The following PRIM2 variants were observed in gnomAD, a reference collection of about 807,000 sequenced individuals.
PRIM2 encodes DNA primase subunit 2.
In PRIM2, 39 loss-of-function variants were observed where a neutral mutation model predicts 67.3. The ratio of observed to expected loss-of-function variants is 0.58; its 90% CI spans 0.45 to 0.76. The LOEUF (loss-of-function observed/expected upper bound fraction) is 0.76, where lower values mean the gene tolerates loss of function less well. Among genes scored for constraint, PRIM2 ranks in the 30% least tolerant of loss-of-function variants. PRIM2 has a pLI of 0.00. For synonymous variants in PRIM2, 143 were observed against 198.7 expected, an observed-to-expected ratio of 0.72 and a Z score of 2.36; for missense variants, 398 against 598.7, an observed-to-expected ratio of 0.66 and a Z score of 3.50.
At chr6:57,225,132 T>TA in the PRIM2 span, among the ~76,000 whole-genome samples, 2 of 152,134 alleles carry the variant, frequency 1.3e-5, no homozygotes, top group Non-Finnish European at 1.5e-5. Context: ...TATCACCTTT[T>TA]AAAAAAATGG....
intron 10 of PRIM2, among the ~76,000 whole-genome samples, chr6:57,593,195 C>G (rs1776311176): frequency 6.6e-6 from 1 of 152,170 alleles, no homozygotes; most frequent in Admixed American, 6.5e-5. Context: ...CTGCCACGTA[C>G]CCACCTTCAG....
intron 4 of PRIM2, among the ~76,000 whole-genome samples, chr6:57,324,994 C>T (rs1767797302): frequency 1.3e-5 from 2 of 152,024 alleles, no homozygotes; most frequent in Admixed American, 1.3e-4. Context: ...CTGTGAAAAT[C>T]TCCTAAAAAT....
At chr6:57,544,319 C>T (rs1201075610) in intron 10 of PRIM2, among the ~76,000 whole-genome samples, 29 of 152,006 alleles carry the variant, frequency 1.9e-4, no homozygotes, top group African/African-American at 7.0e-4. Flanking sequence ...GCTGGCATGT[C>T]TCTGGTCAGG....
chr6:57,422,074 G>A (rs924355456), intron 7 of PRIM2, among the ~76,000 whole-genome samples: 7 of 149,974 alleles, frequency 4.7e-5, no homozygotes, highest in Non-Finnish European at 7.4e-5. Flanking sequence ...CAAACGTACA[G>A]TTTAAATTTA....
At chr6:57,322,232 T>G (rs1741912) in intron 3 of PRIM2, among the ~76,000 whole-genome samples, 26,709 of 152,030 alleles carry the variant, frequency 0.18, 2,508 homozygotes, top group African/African-American at 0.19. Context: ...GAGCAGAAGA[T>G]CTAGAATAGA....
intron 5 of PRIM2, among the ~76,000 whole-genome samples, chr6:57,345,919 T>C (rs563794275): frequency 6.6e-6 from 1 of 152,312 alleles, no homozygotes; most frequent in South Asian, 2.1e-4. Flanking sequence ...AATTTTTGGA[T>C]GTTGCCATGG....
the PRIM2 span, among the ~76,000 whole-genome samples, chr6:57,294,378 G>A: frequency 6.6e-6 from 1 of 152,094 alleles, no homozygotes; most frequent in Admixed American, 6.6e-5. Flanking sequence ...CTACTCAGAA[G>A]GTTAAGGCAG....
intron 8 of PRIM2, among the ~76,000 whole-genome samples, chr6:57,515,760 T>C (rs1554348189): frequency 2.0e-5 from 3 of 152,212 alleles, no homozygotes; most frequent in African/African-American, 7.2e-5. Flanking sequence ...TCTATTCCAA[T>C]CTTAACAAAT....
In PRIM2 at chr6:57,608,179, G is replaced by GGA. The variant is rs1196234937; in HGVS notation, c.1230+1733_1230+1734dup. On this transcript the variant is annotated intron_variant, in intron 12 of 13. Coordinates refer to ENST00000615550, the MANE Select transcript of PRIM2 (RefSeq NM_000947.5). ...ATCAATGAAGACTGAACAGAAATGGGGAGAGAGAGAGAAAATACATTAAGG... is the reference window on the plus strand; with the variant it reads ...ATCAATGAAGACTGAACAGAAATGGGGAGAGAGAGAGAGAAAATACATTAAGG... Among the ~76,000 whole-genome samples, 12 of 152,094 alleles carry GGA rather than the reference G, an allele frequency of 7.9e-5. No homozygotes were observed. The South Asian group carries it at 2.1e-3, about 26-fold the overall frequency.
chr6:57,291,713 A>G, the PRIM2 span, among the ~76,000 whole-genome samples: 4 of 152,182 alleles, frequency 2.6e-5, no homozygotes, highest in African/African-American at 9.7e-5. Flanking sequence ...AATAAACATA[A>G]TCCATCACAT....
At chr6:57,266,505 G>GACGA in the PRIM2 span, among the ~76,000 whole-genome samples, 18 of 152,276 alleles carry the variant, frequency 1.2e-4, no homozygotes, top group South Asian at 3.7e-3. Flanking sequence ...TGACCAAAGT[G>GACGA]ACGATTTGTT....
the PRIM2 span, among the ~76,000 whole-genome samples, chr6:57,263,363 C>A: frequency 2.6e-5 from 4 of 152,214 alleles, no homozygotes; most frequent in African/African-American, 9.6e-5. Context: ...TCTCTGAAGG[C>A]TGTAGGGAGA....
intron 13 of PRIM2, among the ~76,000 whole-genome samples, chr6:57,642,435 CTTTTTTTTTTT>C (rs1156576933): frequency 1.2e-3 from 97 of 83,190 alleles, no homozygotes; most frequent in Admixed American, 1.7e-3. Flanking sequence ...AATATTATAT[CTTTTTTTTTTT>C]TTTTTTTTTT....
At chr6:57,320,984 C>T (rs1176453060) in intron 3 of PRIM2, among the ~76,000 whole-genome samples, 1 of 152,092 alleles carries the variant, frequency 6.6e-6, no homozygotes, top group African/African-American at 2.4e-5. Context: ...GAAGGCTTTC[C>T]AGAAGAGGTA....
chr6:57,618,089 T>C (rs1157265517), intron 12 of PRIM2, among the ~76,000 whole-genome samples: 15 of 152,170 alleles, frequency 9.9e-5, no homozygotes, highest in African/African-American at 3.4e-4. Context: ...ACTGTACTGG[T>C]CTATATGTCT....
chr6:57,448,821 T>A (rs1486355708), intron 7 of PRIM2, among the ~76,000 whole-genome samples: 3 of 152,174 alleles, frequency 2.0e-5, no homozygotes, highest in Non-Finnish European at 2.9e-5. Context: ...TGACATTAGG[T>A]CCTATTTATA....
intron 7 of PRIM2, among the ~76,000 whole-genome samples, chr6:57,409,823 T>C (rs2127362929): frequency 6.6e-6 from 1 of 152,336 alleles, no homozygotes; most frequent in Admixed American, 6.5e-5. Context: ...GTCTATTTTA[T>C]CAGTTTCTTT....
At chr6:57,557,444 AG>A (rs1775537484) in intron 10 of PRIM2, among the ~76,000 whole-genome samples, 1 of 152,238 alleles carries the variant, frequency 6.6e-6, no homozygotes, top group Non-Finnish European at 1.5e-5. Context: ...GCCATAAAAA[AG>A]AACAAGATCT....
chr6:57,555,817 A>C (rs1381196657), intron 10 of PRIM2, among the ~76,000 whole-genome samples: 1 of 152,184 alleles, frequency 6.6e-6, no homozygotes, highest in African/African-American at 2.4e-5. Context: ...AAATATTGAA[A>C]GGAACAGAGA....
Sources: allele counts gnomAD v4.1 joint callset (sites outside exome capture counted in the v4.1 genomes callset), GRCh38; gene constraint gnomAD v4.1.1; transcripts MANE v1.5; gene names NCBI Gene and HGNC (gene_info 2026-07-23, HGNC 2026-07-21).